STING1: variants seen among roughly 807,000 people sequenced by gnomAD.
The protein encoded by STING1 is stimulator of interferon genes protein.
In STING1, 19 loss-of-function variants were observed where a neutral mutation model predicts 31.6. That is an observed-to-expected ratio of 0.60 (90% CI 0.42 to 0.88). The LOEUF is 0.88. STING1 is among the 40% of genes least tolerant of loss of function. The pLI is 0.00. For synonymous variants in STING1, 200 were observed against 208.6 expected (o/e 0.96, Z 0.35); for missense variants, 371 against 483.7 (o/e 0.77, Z 2.19).
chr5:139,480,120 A>G (rs746153774), intron 5 of STING1, among the ~76,000 whole-genome samples: 4 of 152,014 alleles, frequency 2.6e-5, no homozygotes, highest in Non-Finnish European at 4.4e-5. Flanking sequence ...AGTTGAGACC[A>G]GGCTGGGTAA....
chr5:139,479,558 C>T (rs922069376), intron 5 of STING1, among the ~76,000 whole-genome samples: 42 of 150,604 alleles, frequency 2.8e-4, no homozygotes, highest in African/African-American at 9.5e-4. Context: ...AAAAATTAGC[C>T]GGGCGTGGTG....
intron 5 of STING1, among the ~76,000 whole-genome samples, chr5:139,479,771 G>A (rs1163864039): frequency 6.7e-6 from 1 of 149,240 alleles, no homozygotes; most frequent in African/African-American, 2.5e-5. Flanking sequence ...GGGAGGCCAA[G>A]GTGGGTGGAT....
chr5:139,476,856 A>T (rs1045877385), intron 7 of STING1, among the ~76,000 whole-genome samples: 2 of 151,160 alleles, frequency 1.3e-5, no homozygotes, highest in African/African-American at 2.4e-5. Context: ...AGTGACCCGA[A>T]ATCGAGCCAC....
At chr5:139,478,569 G>C in intron 5 of STING1, 61 bp from the exon 6 acceptor site, 2 of 1,460,078 alleles carry the variant, frequency 1.4e-6, no homozygotes, top group Non-Finnish European at 1.9e-6. Flanking sequence ...TGATTCAGGA[G>C]TGAGACCCAG....
Position 139,476,581 on chromosome 5 carries a change from C to G in STING1, c.947-127G>C, listed in dbSNP as rs1751667991. 7 of 790,112 alleles carry G rather than the reference C, an allele frequency of 8.9e-6. No homozygotes were observed. In the Admixed American group the frequency reaches 1.6e-4, roughly 18 times the overall value. 48.9% of individuals were successfully genotyped at this position (790,112 alleles called of 1,614,324 possible). ...CCCCTTCCTACCCAAGCCCCAGCCA[C>G]TGGGACTAGAGTTTCATAGAATCCT... On this transcript the variant is annotated intron_variant, in intron 7 of 7. Transcript: ENST00000330794.
At position 139,480,144 on chromosome 5, in the gene STING1, T is replaced by C. The variant is rs1036631656; in HGVS notation, c.520+646A>G. On this transcript the variant is annotated intron_variant, in intron 5 of 7. Coordinates refer to ENST00000330794, the MANE Select transcript of STING1 (RefSeq NM_198282.4). Reference sequence around the variant, plus strand: ...CAGGCTGGGTAACATAGCAAAACCCTCTTCTTTTTAAAAAATATATAAATA... The same window carrying C: ...CAGGCTGGGTAACATAGCAAAACCCCCTTCTTTTTAAAAAATATATAAATA... 2.0e-5 allele frequency among the ~76,000 whole-genome samples: 3 copies of C among 152,052 alleles called. No individual in the cohort carries two copies. The East Asian group carries it at 5.8e-4, about 29-fold the overall frequency.
intron 5 of STING1, 194 bp from the exon 6 acceptor site, chr5:139,478,702 A>G: frequency 1.7e-6 from 1 of 585,254 alleles, no homozygotes; most frequent in Non-Finnish European, 3.1e-6. Context: ...TTACTGCACC[A>G]CCCTTTACCC....
intron 6 of STING1, 23 bp downstream of exon 6, chr5:139,478,247 C>A: frequency 6.3e-7 from 1 of 1,580,140 alleles, no homozygotes; most frequent in Non-Finnish European, 8.7e-7. Flanking sequence ...TCCTCAGAGA[C>A]CCCCACTCCC....
rs201976218 is a variant in STING1, at chr5:139,481,145, C to T, written c.411+14G>A. The stretch of plus-strand genomic sequence containing the variant: ...ACCACTTGGCCAGAGCTTCTACCTC[C>T]CCCTGTGTCATACCTTGAGGCCCAG... On this transcript the variant is annotated intron_variant, in intron 4 of 7. Coordinates refer to ENST00000330794, the MANE Select transcript of STING1 (RefSeq NM_198282.4). This position sits in a 1 kb window ranked among gnomAD's most constrained non-coding sequence, Gnocchi z 4.1. 1,423 of 1,613,662 alleles carry T rather than the reference C, an allele frequency of 8.8e-4. 1 individual carries two copies. The highest frequency in any genetic ancestry group is 1.2e-3 in the Non-Finnish European group (1,369 of 1,179,698).
Position 139,481,305 on chromosome 5 carries a change from G to A in STING1, c.265C>T (p.Leu89=), listed in dbSNP as rs1751837923. ...GCCCCACGGCGGAGGGGGCAGCCCA[G>A]GCAGGCCCGCACAGTCCTCCAGTAG... ...GSYWRTVRAC[L]GCPLRRGALL... The change falls in exon 4 of 8, where the codon CTG becomes TTG. Residue 89 remains leucine, a synonymous_variant. Coordinates refer to ENST00000330794, the MANE Select transcript of STING1 (RefSeq NM_198282.4). The surrounding 1 kb of genome is among the most constrained non-coding windows in gnomAD (Gnocchi z 4.1). The A allele has an allele frequency of 1.2e-6, 2 of 1,608,968 alleles. No individual in the cohort carries two copies. Among genetic ancestry groups the A allele is most frequent in the Non-Finnish European group, 1.7e-6 (2 of 1,177,500 alleles).
Position 139,481,544 on chromosome 5 carries a change from A to C in STING1, c.161T>G (p.Leu54Arg). The part of the protein sequence containing the change: ...LRYLVLHLAS[L>R]QLGLLLNGVC... ...CCCGTTTAACAGCAGTCCCAGCTGCAGGGAGGCTAGGTGGAGCACCAGGTA... is the reference window on the plus strand; with the variant it reads ...CCCGTTTAACAGCAGTCCCAGCTGCCGGGAGGCTAGGTGGAGCACCAGGTA... Residue 54 changes from leucine to arginine, a missense_variant, in exon 3 of 8, where the codon CTG becomes CGG. Coordinates refer to ENST00000330794, the MANE Select transcript of STING1 (RefSeq NM_198282.4). This position sits in a 1 kb window ranked among gnomAD's most constrained non-coding sequence, Gnocchi z 4.1. 1 of 1,614,006 alleles carries C rather than the reference A, an allele frequency of 6.2e-7. No individual in the cohort carries two copies. The highest frequency in any genetic ancestry group is 8.5e-7 in the Non-Finnish European group (1 of 1,180,000).
intron 6 of STING1, among the ~76,000 whole-genome samples, chr5:139,477,773 A>C (rs533924845): frequency 6.6e-6 from 1 of 152,274 alleles, no homozygotes; most frequent in South Asian, 2.1e-4. Context: ...CCAAGATCCT[A>C]GGGCAAGACC....
At chr5:139,476,501 C>A (rs201282405) in intron 7 of STING1, 47 bp from the exon 8 acceptor site, 3 of 1,556,804 alleles carry the variant, frequency 1.9e-6, no homozygotes, top group Non-Finnish European at 1.8e-6. Context: ...CTTACCCATT[C>A]CCACTCAAAC....
rs532530144 is a variant in STING1 at position 139,480,807 on chromosome 5, A to G, written c.503T>C (p.Leu168Pro). ...GLAWSYYIGY[L>P]RLILPELQAR... is the part of the protein sequence containing the mutation. ...TGGCCCACCTGGCAGGATCAGCCGC[A>G]GATATCCGATGTAATATGACCATGC... The change falls in exon 5 of 8, where the codon CTG (leucine) becomes CCG (proline). Residue 168 changes from leucine to proline, a missense_variant. Coordinates refer to ENST00000330794, the MANE Select transcript of STING1 (RefSeq NM_198282.4). The G allele has an allele frequency of 8.7e-6, 14 of 1,613,374 alleles. No homozygotes were observed. In the Admixed American group the frequency reaches 1.2e-4, roughly 13 times the overall value.
intron 6 of STING1, among the ~76,000 whole-genome samples, chr5:139,478,056 A>G (rs907713011): frequency 6.6e-6 from 1 of 152,222 alleles, no homozygotes; most frequent in African/African-American, 2.4e-5. Flanking sequence ...AGGTGATCAG[A>G]TGACACACCC....
At chr5:139,478,847 C>T (rs1435218064) in intron 5 of STING1, 1 of 278,750 alleles carries the variant, frequency 3.6e-6, no homozygotes, top group Non-Finnish European at 7.0e-6. Context: ...GGCCTCTAGC[C>T]CCAGATCAGT....
rs780783675 is a variant in STING1 at position 139,481,225 on chromosome 5, C to T, written c.345G>A (p.Pro115=). The change falls in exon 4 of 8, where the codon CCG becomes CCA. Residue 115 remains proline (P), a synonymous_variant. Transcript: ENST00000330794. This position sits in a 1 kb window ranked among gnomAD's most constrained non-coding sequence, Gnocchi z 4.1. ...GGAGGGCAAGCATCCAAGTGAAGGG[C>T]GGGCCGACCGCATTTGGGAGGGAGT... ...FYYSLPNAVG[P]PFTWMLALLG... The T allele has an allele frequency of 3.2e-5, 51 of 1,614,040 alleles. No individual in the cohort carries two copies. The highest frequency in any genetic ancestry group is 1.3e-4 in the African/African-American group (10 of 74,924).
Position 139,477,524 on chromosome 5 carries a change from G to T in STING1, c.760-9C>A, listed in dbSNP as rs200232916. The T allele has an allele frequency of 6.1e-4, 990 of 1,612,424 alleles. No homozygotes were observed. Among genetic ancestry groups the T allele is most frequent in the Non-Finnish European group, 7.6e-4 (895 of 1,179,042 alleles). On this transcript the variant is annotated splice_polypyrimidine_tract_variant and intron_variant, in intron 6 of 7. Transcript: ENST00000330794. ...AGGACACAGGTGCCCGCCTAGAGGA[G>T]GTAAGAGGAAGACCAGACTAAGCCA...
chr5:139,478,651 A>G, intron 5 of STING1, 143 bp from the exon 6 acceptor site: 1 of 730,700 alleles, frequency 1.4e-6, no homozygotes. Flanking sequence ...ACAGGAGGCC[A>G]GGAGGGGCAG....
Sources: gnomAD v4.1 joint callset for allele counts (sites outside exome capture counted in the v4.1 genomes callset) on GRCh38, gnomAD v4.1.1 for gene constraint, Gnocchi (gnomAD v3.1) non-coding constraint, MANE v1.5 for transcripts, NCBI Gene and HGNC (gene_info 2026-07-23, HGNC 2026-07-21) for gene names.